SNAP91: variants seen among roughly 807,000 people sequenced by gnomAD.
SNAP91 encodes clathrin coat assembly protein AP180.
Under a neutral mutation model 100.3 loss-of-function variants are expected in SNAP91, and 27 were observed. The observed-to-expected ratio is 0.27, with a 90% CI of 0.20 to 0.37. The LOEUF (loss-of-function observed/expected upper bound fraction) is 0.37. Ranked by LOEUF, SNAP91 falls within the 10% of genes least tolerant of loss-of-function variation. The pLI is 1.00. For synonymous variants in SNAP91, 404 were observed against 398.6 expected (o/e 1.01, Z -0.16); for missense variants, 986 against 1,123.7 (o/e 0.88, Z 1.75).
intron 2 of SNAP91, among the ~76,000 whole-genome samples, chr6:83,694,124 T>C (rs1445225854): frequency 6.6e-6 from 1 of 152,252 alleles, no homozygotes; most frequent in African/African-American, 2.4e-5. Flanking sequence ...TCCTTTTCCA[T>C]GGGCATGATA....
intron 7 of SNAP91, among the ~76,000 whole-genome samples, chr6:83,655,389 T>A (rs1464769209): frequency 6.6e-6 from 1 of 152,176 alleles, no homozygotes; most frequent in East Asian, 1.9e-4. Flanking sequence ...TCCAAACTGA[T>A]GCCACGTGGG....
Position 83,656,882 on chromosome 6 carries a change from A to C in SNAP91, c.547-17T>G. ...TGGATGCACCTAGAAAAACAGAAAA[A>C]TTTAATATTAGCGGCATATCATTAA... is the stretch of plus-strand genomic sequence containing the variant. On this transcript the variant is annotated splice_polypyrimidine_tract_variant and intron_variant, in intron 6 of 29. Coordinates refer to ENST00000369694, the MANE Select transcript of SNAP91 (RefSeq NM_001242792.2). 1 of 1,247,920 alleles carries C rather than the reference A, an allele frequency of 8.0e-7. No individual in the cohort carries two copies. Among genetic ancestry groups the C allele is most frequent in the Non-Finnish European group, 1.1e-6 (1 of 874,196 alleles). 77.3% of individuals were successfully genotyped at this position (1,247,920 alleles called of 1,614,324 possible).
intron 26 of SNAP91, among the ~76,000 whole-genome samples, chr6:83,569,371 TA>T (rs1343561222): frequency 6.6e-6 from 1 of 152,126 alleles, no homozygotes; most frequent in Non-Finnish European, 1.5e-5. Flanking sequence ...GTTTTGGGGT[TA>T]AAAAAATGAG....
chr6:83,635,427 T>C (rs1382300127), intron 8 of SNAP91, among the ~76,000 whole-genome samples: 2 of 152,346 alleles, frequency 1.3e-5, no homozygotes, highest in South Asian at 2.1e-4. Context: ...TTTATCATTA[T>C]GTAATGTCCT....
intron 8 of SNAP91, among the ~76,000 whole-genome samples, chr6:83,629,141 T>C (rs1470049704): frequency 6.6e-6 from 1 of 152,158 alleles, no homozygotes; most frequent in Non-Finnish European, 1.5e-5. Flanking sequence ...CACTTTGTTT[T>C]TGTTGGCTTT....
chr6:83,614,721 A>G, intron 11 of SNAP91, 136 bp downstream of exon 11: 1 of 587,230 alleles, frequency 1.7e-6, no homozygotes, highest in Non-Finnish European at 2.8e-6. Context: ...ATAAAGCATA[A>G]TGAAAAAACA....
At chr6:83,607,588 T>C (rs1583465662) in intron 13 of SNAP91, 111 bp downstream of exon 13, 2 of 632,928 alleles carry the variant, frequency 3.2e-6, no homozygotes, top group East Asian at 6.1e-5. Flanking sequence ...AACTTCAACA[T>C]TACTAGGATT....
intron 7 of SNAP91, among the ~76,000 whole-genome samples, chr6:83,643,980 T>C (rs1449894878): frequency 3.3e-5 from 5 of 152,236 alleles, no homozygotes; most frequent in African/African-American, 1.2e-4. Context: ...AGTCTTTTCT[T>C]GTTAAGAAAT....
At chr6:83,662,326 A>T (rs1411659264) in intron 4 of SNAP91, 21 bp downstream of exon 4, 3 of 1,263,562 alleles carry the variant, frequency 2.4e-6, no homozygotes, top group Non-Finnish European at 3.2e-6. Flanking sequence ...GCAAAAAATT[A>T]TAAAATACAA....
chr6:83,616,945 T>G, intron 10 of SNAP91, 24 bp downstream of exon 10: 2 of 1,430,346 alleles, frequency 1.4e-6, no homozygotes, highest in Non-Finnish European at 9.6e-7. Flanking sequence ...TTCATCTTAT[T>G]TAGAATATAC....
chr6:83,643,610 CATACTTGAGAGTT>C (rs952625683), intron 7 of SNAP91, among the ~76,000 whole-genome samples: 3 of 152,092 alleles, frequency 2.0e-5, no homozygotes, highest in Non-Finnish European at 4.4e-5. Flanking sequence ...AATATTGTCT[CATACTTGAGAGTT>C]ATTTCATTCA....
At chr6:83,654,867 C>T (rs1220648101) in intron 7 of SNAP91, among the ~76,000 whole-genome samples, 1 of 152,064 alleles carries the variant, frequency 6.6e-6, no homozygotes, top group Non-Finnish European at 1.5e-5. Flanking sequence ...CTCCTGGTAC[C>T]TCATAGGCAG....
chr6:83,560,089 AT>A lies in SNAP91; in HGVS notation c.2631+14del. 6.2e-7 allele frequency: 1 copy of A among 1,603,564 alleles called. No homozygotes were observed. The highest frequency in any genetic ancestry group is 8.5e-7 in the Non-Finnish European group (1 of 1,170,510). The stretch of plus-strand genomic sequence containing the variant: ...TAGTTAATGTCACTGATTTGTGGAC[AT>A]TGAAGAAACTGACCTGCGTGCCAGG... On this transcript the variant is annotated intron_variant, in intron 28 of 29. Transcript: ENST00000369694.
Position 83,707,877 on chromosome 6 carries a change from A to C in SNAP91, c.51T>G (p.Val17=), listed in dbSNP as rs1461886580. 1 of 1,608,588 alleles carries C rather than the reference A, an allele frequency of 6.2e-7. No individual in the cohort carries two copies. Among genetic ancestry groups the C allele is most frequent in the Non-Finnish European group, 8.5e-7 (1 of 1,178,186 alleles). ...CCGCTCTTGCTACAGCAGAGCCTGT[A>C]ACGCTGTACTGAGCGGCGGCGATCC... ...TDRIAAAQYS[V]TGSAVARAVC... is the part of the protein sequence containing the mutation. Residue 17 remains valine (V), a synonymous_variant, in exon 2 of 30, where the codon GTT becomes GTG. Transcript: ENST00000369694.
intron 13 of SNAP91, among the ~76,000 whole-genome samples, chr6:83,606,302 C>T (rs922709861): frequency 1.3e-5 from 2 of 152,144 alleles, no homozygotes; most frequent in Non-Finnish European, 2.9e-5. Flanking sequence ...TTATTAACCA[C>T]TAATTTATCT....
intron 22 of SNAP91, among the ~76,000 whole-genome samples, chr6:83,588,807 C>A (rs2093273589): frequency 6.6e-6 from 1 of 152,130 alleles, no homozygotes; most frequent in South Asian, 2.1e-4. Context: ...CAGGTTCTAG[C>A]CTTGGAGGAC....
At chr6:83,584,995 C>T (rs1282624638) in intron 22 of SNAP91, among the ~76,000 whole-genome samples, 1 of 152,052 alleles carries the variant, frequency 6.6e-6, no homozygotes, top group Non-Finnish European at 1.5e-5. Context: ...CCTCACAAGC[C>T]TAGAATAATT....
chr6:83,598,868 T>C (rs2094827845), intron 16 of SNAP91, among the ~76,000 whole-genome samples: 1 of 152,102 alleles, frequency 6.6e-6, no homozygotes, highest in African/African-American at 2.4e-5. Context: ...TATAGACTCC[T>C]GAACATAAAG....
At chr6:83,573,154 A>G (rs909261516) in intron 26 of SNAP91, among the ~76,000 whole-genome samples, 4 of 152,218 alleles carry the variant, frequency 2.6e-5, no homozygotes, top group South Asian at 2.1e-4. Context: ...AGCCACACCA[A>G]TAACAGACAA....
Sources: allele counts gnomAD v4.1 joint callset (sites outside exome capture counted in the v4.1 genomes callset), GRCh38; gene constraint gnomAD v4.1.1; transcripts MANE v1.5; gene names NCBI Gene and HGNC (gene_info 2026-07-23, HGNC 2026-07-21).